The following LTBP2 variants were observed in gnomAD, a reference collection of about 807,000 sequenced individuals.
LTBP2 encodes latent-transforming growth factor beta-binding protein 2.
Under a neutral mutation model 210.6 loss-of-function variants are expected in LTBP2, and 103 were observed. The observed-to-expected ratio is 0.49, with a 90% CI of 0.42 to 0.58. The LOEUF (loss-of-function observed/expected upper bound fraction) is 0.58. Ranked by LOEUF, LTBP2 falls within the 20% of genes least tolerant of loss-of-function variation. The probability of loss-of-function intolerance (pLI) is 0.00; values close to 1 mark genes in which losing one functional copy is unlikely to be tolerated. For synonymous variants in LTBP2, 1,007 were observed against 1,015.0 expected, an observed-to-expected ratio of 0.99 and a Z score of 0.15; for missense variants, 2,313 against 2,494.5, an observed-to-expected ratio of 0.93 and a Z score of 1.55.
intron 8 of LTBP2, among the ~76,000 whole-genome samples, chr14:74,536,638 G>A (rs2087425508): frequency 1.3e-5 from 2 of 152,214 alleles, no homozygotes; most frequent in Non-Finnish European, 2.9e-5. Flanking sequence ...CTCAGGTCAG[G>A]AGTTCGAGAC....
chr14:74,606,491 T>C (rs1170133589), intron 1 of LTBP2, among the ~76,000 whole-genome samples: 1 of 152,248 alleles, frequency 6.6e-6, no homozygotes, highest in Non-Finnish European at 1.5e-5. Context: ...TCCTCTCTGG[T>C]CTACTGATTA....
intron 35 of LTBP2, 97 bp from the exon 36 acceptor site, chr14:74,501,126 G>A: frequency 7.0e-7 from 1 of 1,418,830 alleles, no homozygotes; most frequent in Non-Finnish European, 9.8e-7. Context: ...CTGCCCTAGA[G>A]TGAAACCCTA....
intron 27 of LTBP2, 143 bp from the exon 28 acceptor site, chr14:74,506,334 A>G: frequency 8.9e-7 from 1 of 1,127,612 alleles, no homozygotes; most frequent in Non-Finnish European, 1.3e-6. Context: ...AGGGAGGAGG[A>G]ACCAATGGAC....
intron 3 of LTBP2, among the ~76,000 whole-genome samples, chr14:74,572,366 CA>C (rs1343935272): frequency 1.3e-5 from 2 of 149,470 alleles, no homozygotes; most frequent in Non-Finnish European, 3.0e-5. Context: ...TGCGCCATGA[CA>C]GGGGGAGGAG....
chr14:74,599,488 A>T (rs2088415393), intron 2 of LTBP2, among the ~76,000 whole-genome samples: 2 of 152,242 alleles, frequency 1.3e-5, no homozygotes, highest in South Asian at 4.1e-4. Flanking sequence ...TAAACAGGAC[A>T]CTGTCACTCC....
chr14:74,585,654 C>G lies in LTBP2; in HGVS notation c.830+200G>C, dbSNP rs563318694. On this transcript the variant is annotated intron_variant, in intron 3 of 35. Coordinates refer to ENST00000261978, the MANE Select transcript of LTBP2 (RefSeq NM_000428.3). Reference sequence around the variant, plus strand: ...TCCTCCTCTTCCCACCCCAGGCTGGCAAAGCCCATGCCAGCCCCAACACCT... The same window carrying G: ...TCCTCCTCTTCCCACCCCAGGCTGGGAAAGCCCATGCCAGCCCCAACACCT... Among the ~76,000 whole-genome samples, 10 of 152,278 alleles carry G rather than the reference C, an allele frequency of 6.6e-5. No homozygotes were observed. The South Asian group carries it at 2.1e-3, about 32-fold the overall frequency.
chr14:74,506,751 C>A lies in LTBP2; in HGVS notation c.3980G>T (p.Arg1327Leu), dbSNP rs780277652. ...CTCGAAGCCCTGGTCACAGAGGCAGCGGAAGGAGCCATCAGTGTTGTCACA... is the reference window on the plus strand; with the variant it reads ...CTCGAAGCCCTGGTCACAGAGGCAGAGGAAGGAGCCATCAGTGTTGTCACA... ...GFCDNTDGSF[R>L]CLCDQGFEIS... The change falls in exon 27 of 36, where the codon CGC (arginine) becomes CTC (leucine). Residue 1327 changes from arginine (R) to leucine (L), a missense_variant. Around this residue, in one of 3 missense-constraint regions of LTBP2, gnomAD observed 1,867 missense variants for 1,976.9 expected, o/e 0.94. Coordinates refer to ENST00000261978, the MANE Select transcript of LTBP2 (RefSeq NM_000428.3). 1 of 1,613,894 alleles carries A rather than the reference C, an allele frequency of 6.2e-7. No individual in the cohort carries two copies. Among genetic ancestry groups the A allele is most frequent in the Admixed American group, 1.7e-5 (1 of 60,034 alleles).
At chr14:74,567,710 C>G (rs2087922464) in intron 3 of LTBP2, among the ~76,000 whole-genome samples, 1 of 152,136 alleles carries the variant, frequency 6.6e-6, no homozygotes, top group Admixed American at 6.5e-5. Flanking sequence ...TTCATATCTT[C>G]CATGGAGTCG....
At chr14:74,517,003 G>T in intron 17 of LTBP2, 62 bp from the exon 18 acceptor site, 1 of 1,540,388 alleles carries the variant, frequency 6.5e-7, no homozygotes, top group Non-Finnish European at 8.7e-7. Flanking sequence ...GAGGGGGCGG[G>T]GTCCTGGAGC....
intron 12 of LTBP2, 120 bp from the exon 13 acceptor site, chr14:74,527,486 A>C: frequency 9.2e-7 from 1 of 1,081,684 alleles, no homozygotes; most frequent in South Asian, 1.4e-5. Flanking sequence ...CAGGGCCAGC[A>C]GCACAGAAAG....
chr14:74,557,059 C>T lies in LTBP2; in HGVS notation c.831-1366G>A, dbSNP rs1408808979. ...GGCAGATCACTTGAGGCCAGGAGTT[C>T]GAGATCACCCTGGTCAACATGGTGA... On this transcript the variant is annotated intron_variant, in intron 3 of 35. Coordinates refer to ENST00000261978, the MANE Select transcript of LTBP2 (RefSeq NM_000428.3). Among the ~76,000 whole-genome samples the T allele has an allele frequency of 4.9e-4, 75 of 152,168 alleles. 2 individuals are homozygous for T. The highest frequency in any genetic ancestry group is 4.5e-3 in the Admixed American group (69 of 15,290).
rs530692806 is a variant in LTBP2, at chr14:74,528,021, C to T, written c.2368+462G>A. Among the ~76,000 whole-genome samples the T allele has an allele frequency of 2.3e-4, 35 of 152,316 alleles. No homozygotes were observed. In the South Asian group the frequency reaches 7.3e-3, roughly 32 times the overall value. ...GGCACTTGCAAGGAGAGCCTCATAC[C>T]CAGCCTCCCTCCAGCCCCGTGCCTC... is the stretch of plus-strand genomic sequence containing the variant. On this transcript the variant is annotated intron_variant, in intron 12 of 35. Coordinates refer to ENST00000261978, the MANE Select transcript of LTBP2 (RefSeq NM_000428.3).
intron 3 of LTBP2, among the ~76,000 whole-genome samples, chr14:74,579,269 C>T (rs538002670): frequency 2.0e-5 from 3 of 152,348 alleles, no homozygotes; most frequent in Admixed American, 1.3e-4. Flanking sequence ...ATGCCTGGGT[C>T]TCCCCGGCAG....
At chr14:74,505,967 G>T in intron 28 of LTBP2, 81 bp downstream of exon 28, 1 of 1,572,226 alleles carries the variant, frequency 6.4e-7, no homozygotes, top group Non-Finnish European at 8.7e-7. Context: ...TCAGCGGCTA[G>T]AGGCTAGTAG....
intron 1 of LTBP2, among the ~76,000 whole-genome samples, chr14:74,604,135 C>T (rs1270201024): frequency 7.1e-6 from 1 of 140,078 alleles, no homozygotes; most frequent in South Asian, 2.2e-4. Context: ...CAACTCTAAG[C>T]CATGCTCCAA....
chr14:74,528,471 C>T lies in LTBP2; in HGVS notation c.2368+12G>A, dbSNP rs767398803. The T allele has an allele frequency of 1.9e-6, 3 of 1,611,574 alleles. No homozygotes were observed. The East Asian group carries it at 6.7e-5, about 36-fold the overall frequency. On this transcript the variant is annotated intron_variant, in intron 12 of 35. Coordinates refer to ENST00000261978, the MANE Select transcript of LTBP2 (RefSeq NM_000428.3). Reference sequence around the variant, plus strand: ...AGGAAAATCCCTCAGGCATCTCCCCCAGCTCAGATACCCTTGTCAGGGATG... The same window carrying T: ...AGGAAAATCCCTCAGGCATCTCCCCTAGCTCAGATACCCTTGTCAGGGATG...
chr14:74,602,967 C>CCAGGCATGT (rs1325004577), intron 2 of LTBP2, among the ~76,000 whole-genome samples: 1 of 152,224 alleles, frequency 6.6e-6, no homozygotes, highest in East Asian at 1.9e-4. Context: ...GATGCGGAGG[C>CCAGGCATGT]TCTGGGCCAG....
chr14:74,525,502 G>A (rs1369706441), intron 14 of LTBP2, among the ~76,000 whole-genome samples: 1 of 152,242 alleles, frequency 6.6e-6, no homozygotes, highest in African/African-American at 2.4e-5. Flanking sequence ...CAGCTTGTCG[G>A]AGGCACAGCT....
At chr14:74,503,885 T>C (rs2086948160) in intron 31 of LTBP2, 41 bp downstream of exon 31, 2 of 1,612,638 alleles carry the variant, frequency 1.2e-6, no homozygotes, top group African/African-American at 1.3e-5. Context: ...ATTATTCAGC[T>C]GTGGGCCTGG....
Sources: allele counts gnomAD v4.1 joint callset (sites outside exome capture counted in the v4.1 genomes callset), GRCh38; gene constraint gnomAD v4.1.1; regional missense constraint gnomAD v4.1.1; transcripts MANE v1.5; gene names NCBI Gene and HGNC (gene_info 2026-07-23, HGNC 2026-07-21).